Variants in GREB1 observed in about 807,000 individuals in gnomAD.
The protein encoded by GREB1 is protein GREB1.
A neutral mutation model predicts 200.7 loss-of-function variants in GREB1; 106 were observed. The observed-to-expected ratio is 0.53, with a 90% CI of 0.45 to 0.62. The LOEUF (loss-of-function observed/expected upper bound fraction) is 0.62. Ranked by LOEUF, GREB1 falls within the 20% of genes least tolerant of loss-of-function variation. The pLI is 0.00. For synonymous variants in GREB1, 1,132 were observed against 1,092.4 expected (o/e 1.04, Z -0.72); for missense variants, 2,243 against 2,556.8 (o/e 0.88, Z 2.65).
chr2:11,487,193 A>G (rs1194712836), intron 1 of GREB1, among the ~76,000 whole-genome samples: 1 of 152,096 alleles, frequency 6.6e-6, no homozygotes, highest in East Asian at 1.9e-4. Flanking sequence ...TTAATGTTCT[A>G]ATTTGGTAAA....
intron 21 of GREB1, 25 bp downstream of exon 21, chr2:11,616,745 C>T (rs1448063481): frequency 4.3e-6 from 6 of 1,403,806 alleles, no homozygotes; most frequent in Non-Finnish European, 6.1e-6. Context: ...ACGGGAAGGA[C>T]CAGACCAGCA....
chr2:11,632,138 CTCAG>C (rs1435653432), intron 27 of GREB1, 25 bp downstream of exon 27: 3 of 1,504,996 alleles, frequency 2.0e-6, no homozygotes, highest in South Asian at 1.1e-5. Context: ...ACATCATCTA[CTCAG>C]TCAAACTCCT....
intron 1 of GREB1, among the ~76,000 whole-genome samples, chr2:11,495,229 C>G (rs1265044070): frequency 6.6e-6 from 1 of 152,166 alleles, no homozygotes; most frequent in African/African-American, 2.4e-5. Flanking sequence ...TTCACTAAGT[C>G]CCTACTTTGT....
At chr2:11,504,112 CCTT>C (rs1332697154) in intron 1 of GREB1, among the ~76,000 whole-genome samples, 1 of 151,960 alleles carries the variant, frequency 6.6e-6, no homozygotes. Flanking sequence ...CTGTACTCAC[CCTT>C]CTTCTTGTGA....
Position 11,627,050 on chromosome 2 carries a change from T to C in GREB1, c.4395T>C (p.Thr1465=), listed in dbSNP as rs376082265. 8.1e-6 allele frequency: 13 copies of C among 1,613,498 alleles called. No individual in the cohort carries two copies. Among genetic ancestry groups the C allele is most frequent in the Non-Finnish European group, 1.1e-5 (13 of 1,179,772 alleles). ...MRLSKYAAYN[T]YHHCEQCHQY... ...TGTCCAAGTACGCAGCGTACAACAC[T>C]TACCACCACTGTGAGCAGTGCCACC... Residue 1465 remains threonine, a synonymous_variant, in exon 25 of 33, where the codon ACT becomes ACC. Transcript: ENST00000381486.
At chr2:11,568,294 A>G (rs970297672) in intron 4 of GREB1, among the ~76,000 whole-genome samples, 2 of 152,182 alleles carry the variant, frequency 1.3e-5, no homozygotes, top group African/African-American at 4.8e-5. Flanking sequence ...GAATGGAGAG[A>G]GGGGAGAAGA....
chr2:11,488,267 A>G (rs1008734056), intron 1 of GREB1, among the ~76,000 whole-genome samples: 5 of 152,174 alleles, frequency 3.3e-5, no homozygotes, highest in East Asian at 1.9e-4. Context: ...TGGGTGGTCA[A>G]CCTTGAGAAC....
chr2:11,615,337 T>G (rs1337704487), intron 20 of GREB1, 47 bp downstream of exon 20: 1 of 1,482,978 alleles, frequency 6.7e-7, no homozygotes, highest in Admixed American at 2.0e-5. Context: ...CTGCATGTCT[T>G]TCTTGGCTTC....
rs777885425 is a variant in GREB1, at chr2:11,597,803, C to T, written c.1977C>T (p.Ser659=). 1.2e-6 allele frequency: 2 copies of T among 1,614,074 alleles called. No individual in the cohort carries two copies. The highest frequency in any genetic ancestry group is 1.7e-6 in the Non-Finnish European group (2 of 1,180,042). ...VCTSYNLEPH[S]IRPFQLAVAQ... ...CAGGTTACAATCTGGAGCCACACAG[C>T]ATCCGGCCCTTCCAGCTGGCAGTAG... The change falls in exon 14 of 33, where the codon AGC becomes AGT. Residue 659 remains serine, a synonymous_variant. Coordinates refer to ENST00000381486, the MANE Select transcript of GREB1 (RefSeq NM_014668.4). The surrounding 1 kb of genome is among the most constrained non-coding windows in gnomAD (Gnocchi z 4.1).
chr2:11,561,263 A>G (rs1676995469), intron 2 of GREB1: 1 of 151,996 alleles, frequency 6.6e-6, no homozygotes, highest in Admixed American at 6.6e-5. Context: ...AAAGCTTCCT[A>G]CATCCATACC....
In GREB1 at chr2:11,562,585, G is replaced by A; in HGVS notation, c.277+3G>A. 5.7e-6 allele frequency: 9 copies of A among 1,576,726 alleles called. No homozygotes were observed. The highest frequency in any genetic ancestry group is 7.7e-6 in the Non-Finnish European group (9 of 1,162,430). On this transcript the variant is annotated splice_donor_region_variant and intron_variant, in intron 3 of 32. Transcript: ENST00000381486. ...TGAAGGATGCTGTACCACAGACGGTGAGCCTCTGCCAGCTCCTGGCCAGGC... is the reference window on the plus strand; with the variant it reads ...TGAAGGATGCTGTACCACAGACGGTAAGCCTCTGCCAGCTCCTGGCCAGGC...
intron 4 of GREB1, 39 bp downstream of exon 4, chr2:11,566,695 ATGG>A: frequency 6.3e-7 from 1 of 1,575,878 alleles, no homozygotes; most frequent in Non-Finnish European, 8.6e-7. Context: ...CTCCTTCTGC[ATGG>A]GGTAGAGCAG....
chr2:11,608,618 G>A (rs1229374227), intron 17 of GREB1, among the ~76,000 whole-genome samples: 1 of 152,208 alleles, frequency 6.6e-6, no homozygotes, highest in East Asian at 1.9e-4. Context: ...AGTATTTAAT[G>A]TAGCGCTAAC....
At chr2:11,488,295 G>A (rs1326689771) in intron 1 of GREB1, among the ~76,000 whole-genome samples, 1 of 152,174 alleles carries the variant, frequency 6.6e-6, no homozygotes, top group Non-Finnish European at 1.5e-5. Context: ...CCATGAAGGT[G>A]GCCGAGGAGT....
chr2:11,483,673 G>T (rs1354326723), intron 1 of GREB1, among the ~76,000 whole-genome samples: 1 of 141,564 alleles, frequency 7.1e-6, no homozygotes, highest in East Asian at 2.2e-4. Flanking sequence ...CTGCTTCCCC[G>T]AAGTACAAGA....
intron 3 of GREB1, among the ~76,000 whole-genome samples, chr2:11,565,847 T>TA (rs984390134): frequency 3.9e-5 from 6 of 152,158 alleles, no homozygotes; most frequent in African/African-American, 9.7e-5. Context: ...ATGCAGCATG[T>TA]AAAAAACATC....
At chr2:11,620,553 C>A (rs138585148) in intron 22 of GREB1, among the ~76,000 whole-genome samples, 1 of 152,178 alleles carries the variant, frequency 6.6e-6, no homozygotes, top group African/African-American at 2.4e-5. Context: ...ATGATTAAGA[C>A]AAGCAATTTG....
intron 2 of GREB1, among the ~76,000 whole-genome samples, chr2:11,557,322 G>T (rs561126668): frequency 1.2e-4 from 18 of 152,324 alleles, no homozygotes; most frequent in African/African-American, 4.1e-4. Flanking sequence ...TTTTATAGCT[G>T]TGTGTTTTCA....
chr2:11,550,543 C>T (rs929298164), intron 1 of GREB1, among the ~76,000 whole-genome samples: 4 of 152,140 alleles, frequency 2.6e-5, no homozygotes, highest in Admixed American at 1.3e-4. Context: ...AAGGGCTGCT[C>T]GGGAAGGGAG....
Sources: allele counts gnomAD v4.1 joint callset (sites outside exome capture counted in the v4.1 genomes callset), GRCh38; gene constraint gnomAD v4.1.1; non-coding constraint Gnocchi (gnomAD v3.1); transcripts MANE v1.5; gene names NCBI Gene and HGNC (gene_info 2026-07-23, HGNC 2026-07-21).